RCAN2: variants seen among roughly 807,000 people sequenced by gnomAD.
RCAN2 encodes the protein calcipressin-2.
A neutral mutation model predicts 23.6 loss-of-function variants in RCAN2; 9 were observed. The observed-to-expected ratio is 0.38, with a 90% confidence interval of 0.23 to 0.67. The LOEUF (loss-of-function observed/expected upper bound fraction) is 0.67. Among genes scored for constraint, RCAN2 ranks in the 30% least tolerant of loss-of-function variants. The pLI is 0.51. For synonymous variants in RCAN2, 109 were observed against 115.7 expected, an observed-to-expected ratio of 0.94 and a Z score of 0.37; for missense variants, 273 against 302.3, an observed-to-expected ratio of 0.90 and a Z score of 0.72.
chr6:46,443,094 C>T (rs1301904900), intron 2 of RCAN2, among the ~76,000 whole-genome samples: 1 of 152,092 alleles, frequency 6.6e-6, no homozygotes, highest in African/African-American at 2.4e-5. Context: ...TTTAAATATT[C>T]CTTAAGACAA....
chr6:46,254,547 G>T (rs974777120), intron 2 of RCAN2, among the ~76,000 whole-genome samples: 3 of 152,128 alleles, frequency 2.0e-5, no homozygotes, highest in Non-Finnish European at 4.4e-5. Flanking sequence ...CAGAGAAAAA[G>T]CTGGAAAAAG....
chr6:46,487,910 C>A (rs1054454078), intron 1 of RCAN2, among the ~76,000 whole-genome samples: 36 of 152,190 alleles, frequency 2.4e-4, no homozygotes, highest in African/African-American at 8.7e-4. Context: ...TTTGAGAAAG[C>A]AAACAGCAAG....
At chr6:46,426,719 A>G (rs1196086039) in intron 2 of RCAN2, among the ~76,000 whole-genome samples, 1 of 152,206 alleles carries the variant, frequency 6.6e-6, no homozygotes, top group Non-Finnish European at 1.5e-5. Flanking sequence ...TTTTTACTGA[A>G]CATCTACTGT....
chr6:46,464,976 G>C (rs1279230237), intron 1 of RCAN2, among the ~76,000 whole-genome samples: 2 of 151,142 alleles, frequency 1.3e-5, no homozygotes, highest in African/African-American at 4.9e-5. Context: ...TACACCTGCA[G>C]GATTTTAATG....
At chr6:46,344,539 A>T (rs1367093647) in intron 2 of RCAN2, among the ~76,000 whole-genome samples, 1 of 152,108 alleles carries the variant, frequency 6.6e-6, no homozygotes, top group Non-Finnish European at 1.5e-5. Flanking sequence ...GTAGAAATAA[A>T]ATATATGACA....
chr6:46,410,258 G>C (rs1430130504), intron 2 of RCAN2, among the ~76,000 whole-genome samples: 1 of 152,192 alleles, frequency 6.6e-6, no homozygotes, highest in Non-Finnish European at 1.5e-5. Context: ...CCAATTTGCA[G>C]AAGGTCCATC....
At chr6:46,262,003 AAG>A (rs1233995635) in intron 2 of RCAN2, among the ~76,000 whole-genome samples, 3 of 152,158 alleles carry the variant, frequency 2.0e-5, no homozygotes, top group Non-Finnish European at 4.4e-5. Context: ...CAGAGTAGGT[AAG>A]CCCCTCCTAT....
At chr6:46,289,790 G>T (rs1762486315) in intron 2 of RCAN2, among the ~76,000 whole-genome samples, 1 of 152,066 alleles carries the variant, frequency 6.6e-6, no homozygotes, top group African/African-American at 2.4e-5. Flanking sequence ...TGAGTAATAG[G>T]ACCCTCACCT....
chr6:46,274,312 C>T (rs544161840), intron 2 of RCAN2, among the ~76,000 whole-genome samples: 63 of 152,314 alleles, frequency 4.1e-4, no homozygotes, highest in African/African-American at 1.4e-3. Context: ...AGGTCATCTA[C>T]TGCCTCAACT....
chr6:46,241,352 C>T (rs1263090119), intron 4 of RCAN2, among the ~76,000 whole-genome samples: 1 of 152,200 alleles, frequency 6.6e-6, no homozygotes, highest in African/African-American at 2.4e-5. Flanking sequence ...GTCTAGGTCA[C>T]TGTTAAACTG....
intron 2 of RCAN2, chr6:46,325,761 T>C (rs1763776914): frequency 3.3e-6 from 4 of 1,210,028 alleles, no homozygotes; most frequent in Admixed American, 4.1e-5. Flanking sequence ...CTTTTATCTC[T>C]AGGCAGTGCA....
chr6:46,400,250 C>T (rs1245559631), intron 2 of RCAN2, among the ~76,000 whole-genome samples: 1 of 152,212 alleles, frequency 6.6e-6, no homozygotes, highest in African/African-American at 2.4e-5. Flanking sequence ...TTAGTCAAGC[C>T]TTCTGGGTCC....
At chr6:46,440,205 A>G (rs1767495765) in intron 2 of RCAN2, among the ~76,000 whole-genome samples, 1 of 152,226 alleles carries the variant, frequency 6.6e-6, no homozygotes, top group South Asian at 2.1e-4. Context: ...ACAAATGAAT[A>G]TTAGAATAAT....
chr6:46,287,988 C>T lies in RCAN2; in HGVS notation c.226-39092G>A, dbSNP rs748132126. Among the ~76,000 whole-genome samples, 42 of 152,312 alleles carry T rather than the reference C, an allele frequency of 2.8e-4. 1 individual carries two copies. The South Asian group carries it at 3.5e-3, about 13-fold the overall frequency. ...GGATATTAATGTCTATCCTTCCCTG[C>T]ACCCAAACCCCCACTCTCTTTTCTT... On this transcript the variant is annotated intron_variant, in intron 2 of 4. Transcript: ENST00000371374.
At chr6:46,411,843 G>T (rs1766560150) in intron 2 of RCAN2, among the ~76,000 whole-genome samples, 1 of 152,182 alleles carries the variant, frequency 6.6e-6, no homozygotes, top group South Asian at 2.1e-4. Context: ...TGGGCAAGGA[G>T]AATGGTTAGA....
intron 2 of RCAN2, among the ~76,000 whole-genome samples, chr6:46,338,185 T>C (rs1764200938): frequency 6.6e-6 from 1 of 152,150 alleles, no homozygotes; most frequent in Non-Finnish European, 1.5e-5. Flanking sequence ...TTAACAAGAA[T>C]CTTGAGAAAC....
At chr6:46,273,069 G>A (rs1767569440) in intron 2 of RCAN2, among the ~76,000 whole-genome samples, 1 of 152,158 alleles carries the variant, frequency 6.6e-6, no homozygotes, top group Admixed American at 6.5e-5. Flanking sequence ...AGCTATGTCT[G>A]TGTTTGTTTT....
intron 2 of RCAN2, among the ~76,000 whole-genome samples, chr6:46,251,333 A>C (rs1766706979): frequency 6.6e-6 from 1 of 152,206 alleles, no homozygotes; most frequent in Admixed American, 6.5e-5. Flanking sequence ...TTTCCTCACA[A>C]TGAGAGTACT....
At chr6:46,337,151 G>GT (rs200329220) in intron 2 of RCAN2, among the ~76,000 whole-genome samples, 28 of 119,236 alleles carry the variant, frequency 2.3e-4, no homozygotes, top group Admixed American at 6.9e-4. Flanking sequence ...TTATCTCCAT[G>GT]TTAAAAAAAA....
Sources: allele counts gnomAD v4.1 joint callset (sites outside exome capture counted in the v4.1 genomes callset), GRCh38; gene constraint gnomAD v4.1.1; transcripts MANE v1.5; gene names NCBI Gene and HGNC (gene_info 2026-07-23, HGNC 2026-07-21).